Variants in TMEM164 observed in about 807,000 individuals in gnomAD.
TMEM164 encodes the protein transmembrane protein 164, also known as RP13-360B22.2.
TMEM164 carries 4 observed loss-of-function variants against 18.8 expected under a neutral mutation model. The observed-to-expected ratio is 0.21, with a 90% CI of 0.10 to 0.49. The LOEUF (loss-of-function observed/expected upper bound fraction) is 0.49, where lower values mean the gene tolerates loss of function less well. Ranked by LOEUF, TMEM164 falls within the 20% of genes least tolerant of loss-of-function variation. The pLI is 0.98. For missense variants in TMEM164, 108 were observed against 239.9 expected (o/e 0.45, Z 3.63); for synonymous variants, 86 against 101.7 (o/e 0.85, Z 0.93).
chrX:110,090,084 C>A (rs888710948), intron 3 of TMEM164, among the ~76,000 whole-genome samples: 8 of 109,960 alleles, frequency 7.3e-5, no homozygotes, highest in African/African-American at 2.7e-4. Context: ...TGAGTACCTT[C>A]CAGATAGGGG....
chrX:110,064,102 A>T, intron 2 of TMEM164, among the ~76,000 whole-genome samples: 1 of 111,369 alleles, frequency 9.0e-6, no homozygotes, highest in East Asian at 2.8e-4. Flanking sequence ...CTCCCAGGTG[A>T]TGGGAAAGTG....
chrX:110,040,696 A>G (rs1935049982), intron 2 of TMEM164, among the ~76,000 whole-genome samples: 1 of 108,877 alleles, frequency 9.2e-6, no homozygotes, highest in South Asian at 3.9e-4. Flanking sequence ...CTTGGTTGAA[A>G]CCTCCTTTTC....
intron 2 of TMEM164, among the ~76,000 whole-genome samples, chrX:110,025,160 C>T (rs939671787): frequency 2.7e-5 from 3 of 111,103 alleles, no homozygotes; most frequent in Admixed American, 9.7e-5. Flanking sequence ...TCTCCAGGTT[C>T]TTATAAGGCA....
At chrX:110,152,765 A>G (rs73540281) in intron 5 of TMEM164, among the ~76,000 whole-genome samples, 12,297 of 110,875 alleles carry the variant, frequency 0.11, 1,657 homozygotes, top group African/African-American at 0.39. Flanking sequence ...CAAGCCTTGC[A>G]CATCTCTTCC....
At chrX:110,016,564 T>C (rs1282031357) in intron 2 of TMEM164, among the ~76,000 whole-genome samples, 3 of 112,594 alleles carry the variant, frequency 2.7e-5, no homozygotes, top group Admixed American at 1.9e-4. Flanking sequence ...CATTTTTGAA[T>C]ACACGTTAAT....
intron 2 of TMEM164, among the ~76,000 whole-genome samples, chrX:110,037,449 C>G (rs1285624511): frequency 1.8e-5 from 2 of 111,853 alleles, no homozygotes; most frequent in Non-Finnish European, 3.8e-5. Flanking sequence ...CCATCAAAAC[C>G]CAGCCACATC....
chrX:110,164,013 G>A (rs1020377178), intron 5 of TMEM164, among the ~76,000 whole-genome samples: 9 of 112,285 alleles, frequency 8.0e-5, no homozygotes, highest in Non-Finnish European at 1.7e-4. Context: ...TTAAAGATTC[G>A]AGAAGAGAGA....
chrX:110,051,592 A>AG (rs1935559810), intron 2 of TMEM164, among the ~76,000 whole-genome samples: 3 of 93,682 alleles, frequency 3.2e-5, no homozygotes, highest in African/African-American at 7.2e-5. Context: ...TCAAAAAAAA[A>AG]AAAAGAAAGA....
At chrX:110,093,584 T>G (rs2065967080) in intron 3 of TMEM164, among the ~76,000 whole-genome samples, 1 of 112,065 alleles carries the variant, frequency 8.9e-6, no homozygotes, top group South Asian at 3.7e-4. Context: ...TCTTTTCTTC[T>G]TTATTAGGCT....
chrX:110,159,864 G>A (rs904881659), intron 5 of TMEM164, among the ~76,000 whole-genome samples: 14 of 111,820 alleles, frequency 1.3e-4, no homozygotes, highest in African/African-American at 4.2e-4. Context: ...TCAGTGGACA[G>A]CCAGGGTTCC....
chrX:110,020,304 C>A, intron 2 of TMEM164: 1 of 696,269 alleles, frequency 1.4e-6, no homozygotes, highest in African/African-American at 2.3e-5. Context: ...GAAACTGTGG[C>A]TTAGAGGAAA....
chrX:110,097,812 G>A (rs1024912508), intron 3 of TMEM164, among the ~76,000 whole-genome samples: 2 of 112,183 alleles, frequency 1.8e-5, no homozygotes, highest in African/African-American at 6.5e-5. Flanking sequence ...GCAGAAAAAC[G>A]TTGTTTAAAA....
At chrX:110,047,230 G>A (rs898216508) in intron 2 of TMEM164, among the ~76,000 whole-genome samples, 2 of 112,189 alleles carry the variant, frequency 1.8e-5, no homozygotes, top group African/African-American at 6.5e-5. Flanking sequence ...TCAAAGTGCA[G>A]ATAGTTAAAG....
At chrX:110,022,560 TA>T (rs1258584147) in intron 2 of TMEM164, among the ~76,000 whole-genome samples, 8 of 111,299 alleles carry the variant, frequency 7.2e-5, no homozygotes, top group African/African-American at 2.6e-4. Flanking sequence ...TTCTTTTTAT[TA>T]AAAAACCCAG....
At chrX:110,179,236 T>C (rs1242883299), downstream of TMEM164, among the ~76,000 whole-genome samples, 5 of 111,789 alleles carry the variant, frequency 4.5e-5, no homozygotes, top group African/African-American at 1.6e-4. Context: ...AGAAAGACGA[T>C]GACATAGGCC....
At chrX:110,084,377 AGTG>A (rs1330247328) in intron 3 of TMEM164, among the ~76,000 whole-genome samples, 36 of 19,122 alleles carry the variant, frequency 1.9e-3, no homozygotes, top group East Asian at 0.011. Flanking sequence ...GTATATATAT[AGTG>A]TATATATATA....
At chrX:110,179,466 C>A (rs1244478722), downstream of TMEM164, among the ~76,000 whole-genome samples, 2 of 112,354 alleles carry the variant, frequency 1.8e-5, no homozygotes, top group African/African-American at 3.2e-5. Flanking sequence ...ACCCCACACT[C>A]CCAAAAGAAG....
At chrX:110,014,542 A>G (rs1409782696) in intron 2 of TMEM164, among the ~76,000 whole-genome samples, 2 of 110,650 alleles carry the variant, frequency 1.8e-5, no homozygotes, top group Non-Finnish European at 3.8e-5. Context: ...GGTGGCTCTC[A>G]TTGTTAGGAA....
intron 3 of TMEM164, among the ~76,000 whole-genome samples, chrX:110,090,154 T>C (rs1018400104): frequency 3.6e-5 from 4 of 111,126 alleles, no homozygotes; most frequent in African/African-American, 1.3e-4. Context: ...TCTGTGGTTG[T>C]GCGGCCCCAT....
Sources: allele counts gnomAD v4.1 joint callset (sites outside exome capture counted in the v4.1 genomes callset), GRCh38; gene constraint gnomAD v4.1.1; transcripts MANE v1.5; gene names NCBI Gene and HGNC (gene_info 2026-07-23, HGNC 2026-07-21).